The following SEMA3C variants were observed in gnomAD, a reference collection of about 807,000 sequenced individuals.
SEMA3C encodes semaphorin 3C, also known as semaphorin-3C.
Under a neutral mutation model 89.4 loss-of-function variants are expected in SEMA3C, and 47 were observed. The ratio of observed to expected loss-of-function variants is 0.53; its 90% CI spans 0.42 to 0.67. The LOEUF (loss-of-function observed/expected upper bound fraction) is 0.67, where lower values mean the gene tolerates loss of function less well. SEMA3C is among the 30% of genes least tolerant of loss of function. The pLI is 0.00. For missense variants in SEMA3C, 839 were observed against 929.1 expected, an observed-to-expected ratio of 0.90 and a Z score of 1.26; for synonymous variants, 310 against 320.2, an observed-to-expected ratio of 0.97 and a Z score of 0.34.
chr7:80,792,771 T>G (rs991898903), intron 11 of SEMA3C, among the ~76,000 whole-genome samples: 1 of 152,172 alleles, frequency 6.6e-6, no homozygotes. Flanking sequence ...CAATTCTTTT[T>G]GATAATAATT....
chr7:80,835,644 A>C (rs1790108073), intron 2 of SEMA3C, among the ~76,000 whole-genome samples: 1 of 152,192 alleles, frequency 6.6e-6, no homozygotes, highest in African/African-American at 2.4e-5. Context: ...ACAGCTACTA[A>C]TTCCTAATGT....
At chr7:80,904,534 C>G (rs759284126) in intron 2 of SEMA3C, among the ~76,000 whole-genome samples, 27 of 152,188 alleles carry the variant, frequency 1.8e-4, no homozygotes, top group Admixed American at 6.5e-4. Context: ...TACCACTACA[C>G]TGATGATGAT....
chr7:80,845,275 T>C (rs1042018861), intron 2 of SEMA3C, among the ~76,000 whole-genome samples: 7 of 151,026 alleles, frequency 4.6e-5, no homozygotes, highest in South Asian at 2.1e-4. Flanking sequence ...TACTGGGAAG[T>C]TGATCACACC....
At chr7:80,856,443 A>C (rs73374811) in intron 2 of SEMA3C, among the ~76,000 whole-genome samples, 1 of 151,482 alleles carries the variant, frequency 6.6e-6, no homozygotes, top group Non-Finnish European at 1.5e-5. Flanking sequence ...CAAGCAGAGA[A>C]AGGCTGGCAC....
chr7:80,902,745 G>T (rs1374019935), intron 2 of SEMA3C, among the ~76,000 whole-genome samples: 3 of 152,162 alleles, frequency 2.0e-5, no homozygotes, highest in Non-Finnish European at 2.9e-5. Context: ...AGGCTCCAGT[G>T]AAGTTTCCAC....
intron 2 of SEMA3C, among the ~76,000 whole-genome samples, chr7:80,873,830 A>T (rs979081697): frequency 6.6e-6 from 1 of 152,188 alleles, no homozygotes; most frequent in East Asian, 1.9e-4. Flanking sequence ...CATGGAAAAC[A>T]GTTTGTGCAC....
intron 2 of SEMA3C, among the ~76,000 whole-genome samples, chr7:80,900,219 T>C (rs1458932855): frequency 1.3e-5 from 2 of 152,062 alleles, no homozygotes; most frequent in East Asian, 1.9e-4. Context: ...GTTCACGCCA[T>C]TCTCCCGCCT....
At chr7:80,902,165 C>G (rs1791896939) in intron 2 of SEMA3C, among the ~76,000 whole-genome samples, 1 of 152,172 alleles carries the variant, frequency 6.6e-6, no homozygotes, top group South Asian at 2.1e-4. Flanking sequence ...GTTACCTAGG[C>G]TGGTCTTGGA....
chr7:80,912,257 C>T (rs1476937852), intron 2 of SEMA3C, among the ~76,000 whole-genome samples: 1 of 152,120 alleles, frequency 6.6e-6, no homozygotes, highest in African/African-American at 2.4e-5. Context: ...AAGAGATGTT[C>T]TTTGCAATAC....
chr7:80,874,447 G>GTTAGTTAGTTATTTAT (rs71520708), intron 2 of SEMA3C, among the ~76,000 whole-genome samples: 1 of 146,518 alleles, frequency 6.8e-6, no homozygotes, highest in African/African-American at 2.5e-5. Flanking sequence ...ACCATAGCAA[G>GTTAGTTAGTTATTTAT]TTATTTATTT....
intron 2 of SEMA3C, among the ~76,000 whole-genome samples, chr7:80,865,388 A>G (rs1400956545): frequency 1.3e-5 from 2 of 152,136 alleles, no homozygotes; most frequent in Non-Finnish European, 1.5e-5. Flanking sequence ...CTATTAAACT[A>G]CTTACTATTC....
rs1336945059 is a variant in SEMA3C at position 80,744,784 on chromosome 7, C to A, written c.*110G>T. 1.3e-5 allele frequency: 16 copies of A among 1,239,964 alleles called. No homozygotes were observed. In the East Asian group the frequency reaches 3.7e-4, roughly 29 times the overall value. 76.8% of individuals were successfully genotyped at this position (1,239,964 alleles called of 1,614,324 possible). On this transcript the variant is annotated 3_prime_UTR_variant, in exon 18 of 18. Transcript: ENST00000265361. Reference sequence around the variant, plus strand: ...GTGTAAAACTCACTTCAGGAGTAATCACCTTTTTCAGTAATTCCCCTTGGT... The same window carrying A: ...GTGTAAAACTCACTTCAGGAGTAATAACCTTTTTCAGTAATTCCCCTTGGT...
intron 12 of SEMA3C, among the ~76,000 whole-genome samples, chr7:80,780,228 A>C (rs12673722): frequency 0.046 from 6,933 of 152,284 alleles, 385 homozygotes; most frequent in East Asian, 0.25. Context: ...AATTGGATTA[A>C]ATTGTCTCCT....
At chr7:80,812,699 C>CTT (rs1583901637) in intron 5 of SEMA3C, among the ~76,000 whole-genome samples, 1 of 152,256 alleles carries the variant, frequency 6.6e-6, no homozygotes, top group East Asian at 1.9e-4. Context: ...ATTCCTAAAA[C>CTT]TTGTCTCCTG....
chr7:80,827,768 T>C (rs1041725709), intron 3 of SEMA3C, among the ~76,000 whole-genome samples: 1 of 152,170 alleles, frequency 6.6e-6, no homozygotes, highest in African/African-American at 2.4e-5. Flanking sequence ...AACATAAATG[T>C]GAACAATACA....
chr7:80,799,316 T>C (rs1227056911), intron 10 of SEMA3C, among the ~76,000 whole-genome samples: 1 of 152,150 alleles, frequency 6.6e-6, no homozygotes, highest in Non-Finnish European at 1.5e-5. Context: ...AACCTTTAGA[T>C]TTTTGCTTTG....
intron 2 of SEMA3C, among the ~76,000 whole-genome samples, chr7:80,914,295 T>A (rs1221317132): frequency 4.6e-5 from 7 of 152,122 alleles, no homozygotes; most frequent in Admixed American, 4.6e-4. Context: ...AATAAACTAC[T>A]TTGGAGGAAA....
At chr7:80,916,913 A>C in intron 1 of SEMA3C, 94 bp from the exon 2 acceptor site, 1 of 1,003,856 alleles carries the variant, frequency 1.0e-6, no homozygotes, top group Non-Finnish European at 1.4e-6. Context: ...TATTCACAAA[A>C]GAACCATCTG....
chr7:80,762,070 CA>C (rs1788196798), intron 13 of SEMA3C, among the ~76,000 whole-genome samples: 1 of 52,718 alleles, frequency 1.9e-5, no homozygotes, highest in Non-Finnish European at 3.5e-5. Flanking sequence ...GCCTGGGCAA[CA>C]AGAGCAAAAC....
Sources: gnomAD v4.1 joint callset for allele counts (sites outside exome capture counted in the v4.1 genomes callset) on GRCh38, gnomAD v4.1.1 for gene constraint, MANE v1.5 for transcripts, NCBI Gene and HGNC (gene_info 2026-07-23, HGNC 2026-07-21) for gene names.